EPB41L4A: variants seen among roughly 807,000 people sequenced by gnomAD.
EPB41L4A encodes the protein band 4.1-like protein 4A.
In EPB41L4A, 100 loss-of-function variants were observed where a neutral mutation model predicts 108.6. The ratio of observed to expected loss-of-function variants is 0.92; its 90% CI spans 0.78 to 1.09. The LOEUF is 1.09. Ranked by LOEUF, EPB41L4A falls within the 50% of genes least tolerant of loss-of-function variation. EPB41L4A has a pLI of 0.00. For missense variants in EPB41L4A, 1,030 were observed against 842.7 expected, an observed-to-expected ratio of 1.22 and a Z score of -2.75; for synonymous variants, 319 against 289.0, an observed-to-expected ratio of 1.10 and a Z score of -1.05.
downstream of EPB41L4A, chr5:112,161,339 C>T (rs933693848): frequency 3.4e-5 from 13 of 383,054 alleles, no homozygotes; most frequent in African/African-American, 1.9e-4. Flanking sequence ...ATTTAAAACG[C>T]ATCGCATTTC....
intron 15 of EPB41L4A, among the ~76,000 whole-genome samples, chr5:112,201,051 A>C (rs1426556840): frequency 6.6e-6 from 1 of 152,240 alleles, no homozygotes; most frequent in African/African-American, 2.4e-5. Context: ...CCAGCAATGT[A>C]GAGGTTTGTG....
intron 18 of EPB41L4A, 29 bp downstream of exon 18, chr5:112,183,987 G>A: frequency 6.2e-7 from 1 of 1,612,014 alleles, no homozygotes; most frequent in Non-Finnish European, 8.5e-7. Context: ...CAGTGTTTTT[G>A]AATCAAGGTA....
At chr5:112,367,918 T>A (rs1221079530) in intron 1 of EPB41L4A, among the ~76,000 whole-genome samples, 1 of 151,734 alleles carries the variant, frequency 6.6e-6, no homozygotes, top group Non-Finnish European at 1.5e-5. Flanking sequence ...CAAAATTGAA[T>A]CTTTGCAGTG....
intron 1 of EPB41L4A, among the ~76,000 whole-genome samples, chr5:112,336,022 A>C (rs1756891906): frequency 6.6e-6 from 1 of 152,070 alleles, no homozygotes; most frequent in Non-Finnish European, 1.5e-5. Flanking sequence ...GTTGTGTTTC[A>C]TGATTCCCTA....
chr5:112,315,218 T>A (rs1755353128), intron 1 of EPB41L4A, among the ~76,000 whole-genome samples: 1 of 152,206 alleles, frequency 6.6e-6, no homozygotes, highest in Admixed American at 6.5e-5. Flanking sequence ...GACCTCTCCC[T>A]CCATTGAACC....
At chr5:112,225,380 C>A (rs564771619) in intron 12 of EPB41L4A, among the ~76,000 whole-genome samples, 2 of 152,292 alleles carry the variant, frequency 1.3e-5, no homozygotes, top group South Asian at 2.1e-4. Flanking sequence ...GAGTTTTGTA[C>A]AATTGATCTT....
intron 1 of EPB41L4A, among the ~76,000 whole-genome samples, chr5:112,323,718 C>T (rs1755958715): frequency 6.6e-6 from 1 of 152,178 alleles, no homozygotes; most frequent in Admixed American, 6.5e-5. Flanking sequence ...GTAACAGTCT[C>T]CCTTACCACA....
rs573339993 is a variant in EPB41L4A at position 112,314,662 on chromosome 5, G to A, written c.100-7172C>T. Among the ~76,000 whole-genome samples the A allele has an allele frequency of 5.0e-4, 76 of 151,960 alleles. 1 individual carries two copies. The highest frequency in any genetic ancestry group is 1.7e-3 in the African/African-American group (72 of 41,476). ...TCTCTATTAAAAATACAAAAACTTA[G>A]CTGGGCATAGTGGCACGCGCCTGGG... is the stretch of plus-strand genomic sequence containing the variant. On this transcript the variant is annotated intron_variant, in intron 1 of 22. Transcript: ENST00000261486.
At chr5:112,207,273 C>T (rs1363234320) in intron 13 of EPB41L4A, among the ~76,000 whole-genome samples, 1 of 152,104 alleles carries the variant, frequency 6.6e-6, no homozygotes, top group African/African-American at 2.4e-5. Context: ...TTCAAAAATC[C>T]ACTCAAGATA....
chr5:112,280,875 C>A (rs1752924551), intron 2 of EPB41L4A, among the ~76,000 whole-genome samples: 1 of 152,226 alleles, frequency 6.6e-6, no homozygotes, highest in Non-Finnish European at 1.5e-5. Flanking sequence ...AGAGCCATGT[C>A]TCTTCCTAAT....
chr5:112,346,282 G>T (rs1757671542), intron 1 of EPB41L4A, among the ~76,000 whole-genome samples: 1 of 132,202 alleles, frequency 7.6e-6, no homozygotes, highest in Non-Finnish European at 1.5e-5. Flanking sequence ...CTGGAGTGCA[G>T]TGGTGTGATC....
chr5:112,406,667 T>C (rs1385914193), intron 1 of EPB41L4A, among the ~76,000 whole-genome samples: 1 of 151,934 alleles, frequency 6.6e-6, no homozygotes, highest in African/African-American at 2.4e-5. Flanking sequence ...GTTAGGAGTA[T>C]GGGAGGTGAT....
intron 22 of EPB41L4A, among the ~76,000 whole-genome samples, chr5:112,166,149 A>C (rs780051999): frequency 6.6e-6 from 1 of 152,250 alleles, no homozygotes; most frequent in Admixed American, 6.5e-5. Flanking sequence ...TTAAGTTGCT[A>C]TTCTTCCCCA....
In EPB41L4A at chr5:112,162,802, T is replaced by G. The variant is rs1397029793; in HGVS notation, c.*2188A>C. The G allele has an allele frequency of 6.6e-6, 1 of 152,116 alleles. No individual in the cohort carries two copies. Among genetic ancestry groups the G allele is most frequent in the African/African-American group, 2.4e-5 (1 of 41,416 alleles). 9.4% of individuals were successfully genotyped at this position (152,116 alleles called of 1,614,324 possible). A position where few individuals can be genotyped will look rare whatever the true frequency, so the allele number is the denominator to read the frequency against. On this transcript the variant is annotated 3_prime_UTR_variant, in exon 23 of 23. Coordinates refer to ENST00000261486, the MANE Select transcript of EPB41L4A (RefSeq NM_022140.5). ...TTTCTTAGGGAAACCTGAGAAAGAG[T>G]TGAGACTAAAGGTATGTGTCATATT...
chr5:112,221,629 A>T (rs1748054967), intron 12 of EPB41L4A, among the ~76,000 whole-genome samples: 1 of 152,230 alleles, frequency 6.6e-6, no homozygotes, highest in Non-Finnish European at 1.5e-5. Flanking sequence ...TATATGACTT[A>T]GTTCCTACAG....
intron 1 of EPB41L4A, among the ~76,000 whole-genome samples, chr5:112,312,022 C>T (rs1234522713): frequency 6.6e-6 from 1 of 152,162 alleles, no homozygotes; most frequent in Non-Finnish European, 1.5e-5. Context: ...TGAGAAGGTA[C>T]AGATTTTAAA....
At chr5:112,384,211 A>G (rs943267983) in intron 1 of EPB41L4A, among the ~76,000 whole-genome samples, 3 of 152,194 alleles carry the variant, frequency 2.0e-5, no homozygotes, top group Admixed American at 6.5e-5. Flanking sequence ...TATACCAAAA[A>G]ACACTAAACT....
intron 15 of EPB41L4A, among the ~76,000 whole-genome samples, chr5:112,201,267 G>A (rs559043154): frequency 5.3e-5 from 8 of 152,214 alleles, no homozygotes; most frequent in African/African-American, 1.9e-4. Context: ...GGATGCTCAG[G>A]CAAAAAGATC....
intron 12 of EPB41L4A, among the ~76,000 whole-genome samples, chr5:112,232,105 C>A (rs951026933): frequency 1.4e-5 from 2 of 144,624 alleles, no homozygotes; most frequent in Non-Finnish European, 1.5e-5. Context: ...CAAGGTGAAA[C>A]CTTGTCTCAA....
Sources: allele counts gnomAD v4.1 joint callset (sites outside exome capture counted in the v4.1 genomes callset), GRCh38; gene constraint gnomAD v4.1.1; transcripts MANE v1.5; gene names NCBI Gene and HGNC (gene_info 2026-07-23, HGNC 2026-07-21).